Variants in FBXL18 observed in about 807,000 individuals in gnomAD.
FBXL18 encodes F-box and leucine rich repeat protein 18.
In FBXL18, 36 loss-of-function variants were observed where a neutral mutation model predicts 46.0. That is an observed-to-expected ratio of 0.78 (90% CI 0.60 to 1.03). FBXL18 has a LOEUF of 1.03. Among genes scored for constraint, FBXL18 ranks in the 50% least tolerant of loss-of-function variants. The pLI, the probability that FBXL18 is intolerant of heterozygous loss-of-function variation, is 0.00. For missense variants in FBXL18, 977 were observed against 1,004.1 expected, an observed-to-expected ratio of 0.97 and a Z score of 0.36; for synonymous variants, 557 against 465.3, an observed-to-expected ratio of 1.20 and a Z score of -2.54.
At chr7:5,474,357 G>A (rs1783474240), downstream of FBXL18, among the ~76,000 whole-genome samples, 1 of 151,140 alleles carries the variant, frequency 6.6e-6, no homozygotes, top group Non-Finnish European at 1.5e-5. Flanking sequence ...CACCCAGGCT[G>A]GAGTGCAGTG....
At chr7:5,460,566 G>A (rs1321997991) in intron 4 of FBXL18, among the ~76,000 whole-genome samples, 1 of 152,212 alleles carries the variant, frequency 6.6e-6, no homozygotes, top group Admixed American at 6.5e-5. Flanking sequence ...TGATTCTCAT[G>A]CCTCAACCTC....
downstream of FBXL18, among the ~76,000 whole-genome samples, chr7:5,471,700 C>T (rs1394131639): frequency 6.6e-6 from 1 of 152,164 alleles, no homozygotes; most frequent in Non-Finnish European, 1.5e-5. Context: ...TTTAAAGGCT[C>T]GCCACATGGA....
At chr7:5,502,937 G>A (rs1382921649) in intron 2 of FBXL18, among the ~76,000 whole-genome samples, 1 of 152,010 alleles carries the variant, frequency 6.6e-6, no homozygotes, top group Non-Finnish European at 1.5e-5. Flanking sequence ...CAAAGGAACT[G>A]AAAACTGAGA....
intron 3 of FBXL18, among the ~76,000 whole-genome samples, chr7:5,492,507 A>T (rs1783955850): frequency 6.6e-6 from 1 of 151,924 alleles, no homozygotes; most frequent in East Asian, 1.9e-4. Context: ...GCTGAGGCGA[A>T]TGGGGAGGGG....
At chr7:5,488,833 C>G (rs901877834) in intron 4 of FBXL18, among the ~76,000 whole-genome samples, 3 of 152,246 alleles carry the variant, frequency 2.0e-5, no homozygotes, top group African/African-American at 7.2e-5. Context: ...CTCGGTACCA[C>G]AGCCTCACAG....
At chr7:5,464,372 G>A (rs191765044) in intron 4 of FBXL18, among the ~76,000 whole-genome samples, 24 of 152,088 alleles carry the variant, frequency 1.6e-4, no homozygotes, top group African/African-American at 3.9e-4. Context: ...CCAGCTATTC[G>A]GGAGGCTGAG....
chr7:5,474,761 G>A (rs746965951), downstream of FBXL18, among the ~76,000 whole-genome samples: 67 of 150,830 alleles, frequency 4.4e-4, no homozygotes, highest in Non-Finnish European at 8.6e-4. Context: ...AGGCTGGAGT[G>A]CAGTGGCGCG....
In FBXL18 at chr7:5,479,878, C is replaced by G. The variant is rs549780606; in HGVS notation, c.*1897G>C. 1.3e-5 allele frequency: 2 copies of G among 152,580 alleles called. No homozygotes were observed. Among genetic ancestry groups the G allele is most frequent in the South Asian group, 4.1e-4 (2 of 4,830 alleles). 9.5% of individuals were successfully genotyped at this position (152,580 alleles called of 1,614,324 possible). On this transcript the variant is annotated 3_prime_UTR_variant, in exon 5 of 5. Coordinates refer to ENST00000382368, the MANE Select transcript of FBXL18 (RefSeq NM_024963.6). The stretch of plus-strand genomic sequence containing the variant: ...AGAGGAGGCGATGACCCCATACATA[C>G]AAGAAAGTCAGGGTGAAGTGGGAGG...
chr7:5,460,410 C>T (rs1356751435), intron 4 of FBXL18, among the ~76,000 whole-genome samples: 7 of 152,140 alleles, frequency 4.6e-5, no homozygotes, highest in Admixed American at 2.0e-4. Context: ...GTCATTACCA[C>T]GCCCCTTCCT....
chr7:5,485,168 C>G (rs1045030882), intron 4 of FBXL18, among the ~76,000 whole-genome samples: 3 of 152,166 alleles, frequency 2.0e-5, no homozygotes, highest in Non-Finnish European at 4.4e-5. Flanking sequence ...CTGCATCTGT[C>G]TCTGCGGCCA....
Position 5,481,918 on chromosome 7 carries a change from G to A in FBXL18, c.2014C>T (p.Arg672Trp), listed in dbSNP as rs201528597. 3.7e-6 allele frequency: 6 copies of A among 1,606,414 alleles called. No individual in the cohort carries two copies. The highest frequency in any genetic ancestry group is 1.7e-5 in the Admixed American group (1 of 59,100). Residue 672 changes from arginine (R) to tryptophan (W), a missense_variant, in exon 5 of 5, where the codon CGG (arginine) becomes TGG (tryptophan). Arg to Trp is a moderately radical substitution (Grantham distance 101). Transcript: ENST00000382368. ...AAGATGACGACGTTTAACGCGGGCC[G>A]CTCGGCCTGGAAGCTGAACCAGAGA... ...QSLLRSFQAERPALNVVIFPL... is the reference protein window; with the variant it reads ...QSLLRSFQAEWPALNVVIFPL...
intron 4 of FBXL18, among the ~76,000 whole-genome samples, chr7:5,454,997 C>G (rs1783152605): frequency 1.3e-5 from 2 of 152,340 alleles, no homozygotes; most frequent in South Asian, 4.1e-4. Context: ...AAACCAGAGC[C>G]TGGAGGGTGG....
chr7:5,474,135 T>G (rs2128232413), downstream of FBXL18, among the ~76,000 whole-genome samples: 3 of 151,840 alleles, frequency 2.0e-5, no homozygotes, highest in Middle Eastern at 6.8e-3. Context: ...GGAGTCAAAC[T>G]CATAGGGACA....
rs1584194730 is a variant in FBXL18, at chr7:5,476,890, TG to T, written c.*4884del. ...GCCCAGTAGATCTAGAAACTTCTTT[TG>T]TTTTTTTTTTTTTTGAGACGGAGTC... On this transcript the variant is annotated 3_prime_UTR_variant, in exon 5 of 5. Coordinates refer to ENST00000382368, the MANE Select transcript of FBXL18 (RefSeq NM_024963.6). 6.7e-6 allele frequency: 1 copy of T among 150,238 alleles called. No individual in the cohort carries two copies. The highest frequency in any genetic ancestry group is 1.5e-5 in the Non-Finnish European group (1 of 67,598). 9.3% of individuals were successfully genotyped at this position (150,238 alleles called of 1,614,324 possible).
chr7:5,456,032 C>T (rs1444530429), intron 4 of FBXL18, among the ~76,000 whole-genome samples: 1 of 152,142 alleles, frequency 6.6e-6, no homozygotes, highest in Non-Finnish European at 1.5e-5. Context: ...CGCAGTCCTT[C>T]TCAGCATCTG....
intron 4 of FBXL18, among the ~76,000 whole-genome samples, chr7:5,468,321 G>A (rs1280211882): frequency 6.6e-6 from 1 of 152,086 alleles, no homozygotes; most frequent in African/African-American, 2.4e-5. Context: ...ATTTCACTGT[G>A]TCAGCCAGGA....
downstream of FBXL18, among the ~76,000 whole-genome samples, chr7:5,471,657 T>C (rs775645704): frequency 6.6e-6 from 1 of 151,894 alleles, no homozygotes; most frequent in Non-Finnish European, 1.5e-5. Flanking sequence ...TGATCTGCCC[T>C]CCTCGGCCTC....
At position 5,476,048 on chromosome 7, in the gene FBXL18, T is replaced by G. The variant is rs557616089; in HGVS notation, c.*5727A>C. On this transcript the variant is annotated 3_prime_UTR_variant, in exon 5 of 5. Transcript: ENST00000382368. ...CGAGACCCCCAGGTCCAGGGAAAGGTCTCCCCTTAAAACCACGTGGAGCTC... is the reference window on the plus strand; with the variant it reads ...CGAGACCCCCAGGTCCAGGGAAAGGGCTCCCCTTAAAACCACGTGGAGCTC... 4 of 151,838 alleles carry G rather than the reference T, an allele frequency of 2.6e-5. No homozygotes were observed. The highest frequency in any genetic ancestry group is 5.9e-5 in the Non-Finnish European group (4 of 68,008). 9.4% of individuals were successfully genotyped at this position (151,838 alleles called of 1,614,324 possible).
rs1784216669 is a variant in FBXL18 at position 5,500,726 on chromosome 7, G to C, written c.1543C>G (p.Arg515Gly). ...TCCGAGTCCCCGACACTCTGTGCGC[G>C]GCTGCAGGGTGGGAGCGAGTTGCGG... ...AIRNSLPPCS[R>G]AQSVGDSEVA... is the part of the protein sequence containing the mutation. Residue 515 changes from arginine to glycine, a missense_variant, in exon 3 of 5, where the codon CGC (arginine) becomes GGC (glycine). By Grantham distance (125) the Arg-to-Gly change is moderately radical. Transcript: ENST00000382368. The C allele has an allele frequency of 6.2e-7, 1 of 1,612,136 alleles. No individual in the cohort carries two copies. Among genetic ancestry groups the C allele is most frequent in the Non-Finnish European group, 8.5e-7 (1 of 1,179,596 alleles).
Sources: allele counts gnomAD v4.1 joint callset (sites outside exome capture counted in the v4.1 genomes callset), GRCh38; gene constraint gnomAD v4.1.1; transcripts MANE v1.5; gene names NCBI Gene and HGNC (gene_info 2026-07-23, HGNC 2026-07-21).